KDM5A: variants seen among roughly 807,000 people sequenced by gnomAD.
The protein encoded by KDM5A is lysine demethylase 5A.
A neutral mutation model predicts 193.5 loss-of-function variants in KDM5A; 42 were observed. The ratio of observed to expected loss-of-function variants is 0.22; its 90% CI spans 0.17 to 0.28. KDM5A has a LOEUF of 0.28. Among genes scored for constraint, KDM5A ranks in the 10% least tolerant of loss-of-function variants. The pLI is 1.00. For synonymous variants in KDM5A, 796 were observed against 718.1 expected (o/e 1.11, Z -1.73); for missense variants, 1,692 against 2,055.1 (o/e 0.82, Z 3.42).
Position 389,284 on chromosome 12 carries a change from T to G in KDM5A, c.-193A>C. 1 of 715,288 alleles carries G rather than the reference T, an allele frequency of 1.4e-6. No homozygotes were observed. The highest frequency in any genetic ancestry group is 2.5e-6 in the Non-Finnish European group (1 of 397,590). The allele number at this position is 715,288 out of a possible 1,614,324, so 44.3% of individuals were successfully genotyped here. A position where few individuals can be genotyped will look rare whatever the true frequency, so the allele number is the denominator to read the frequency against. On this transcript the variant is annotated 5_prime_UTR_variant, in exon 1 of 28. Transcript: ENST00000399788. ...ATTGTTTCTTGCAAGGCTTTTCCAC[T>G]GAGGTTCAGGACTTTTCCGGAAGTT...
intron 10 of KDM5A, among the ~76,000 whole-genome samples, chr12:342,918 G>C (rs1944024756): frequency 6.6e-6 from 1 of 152,142 alleles, no homozygotes; most frequent in African/African-American, 2.4e-5. Context: ...CATTCACTGG[G>C]ACTGCTTGGA....
intron 1 of KDM5A, 135 bp downstream of exon 1, chr12:388,792 T>G (rs7488483): frequency 0.06 from 68,863 of 1,146,530 alleles, 8,035 homozygotes; most frequent in East Asian, 0.37. Flanking sequence ...GGCAAAAACA[T>G]CCAGAAACAG....
In KDM5A at chr12:352,144, G is replaced by A. The variant is rs2137451267; in HGVS notation, c.1149+61C>T. 5.1e-6 allele frequency: 5 copies of A among 974,880 alleles called. No individual in the cohort carries two copies. The Admixed American group carries it at 8.9e-5, about 17-fold the overall frequency. The allele number at this position is 974,880 out of a possible 1,614,324, so 60.4% of individuals were successfully genotyped here. On this transcript the variant is annotated intron_variant, in intron 9 of 27. Coordinates refer to ENST00000399788, the MANE Select transcript of KDM5A (RefSeq NM_001042603.3). ...AAAAAAAAAAAAGAGGAAACTGAAG[G>A]CTTTGTACTCAGGTAAATCTTTGTA...
intron 5 of KDM5A, among the ~76,000 whole-genome samples, 181 bp downstream of exon 5, chr12:362,782 G>T (rs1319112246): frequency 6.6e-6 from 1 of 152,158 alleles, no homozygotes; most frequent in Non-Finnish European, 1.5e-5. Flanking sequence ...CACAGTTCAT[G>T]CATTTAAAAC....
At position 362,978 on chromosome 12, in the gene KDM5A, T is replaced by C. The variant is rs1460694308; in HGVS notation, c.657A>G (p.Arg219=). ...TRMNILPKRT[R]RVKTQSESGD... ...ACATTGATACCTGAGTCTTCACACG[T>C]CTTGTTCTCTTCGGCAGAATGTTCA... The change falls in exon 5 of 28, where the codon AGA becomes AGG. Residue 219 remains arginine (R), a synonymous_variant. Transcript: ENST00000399788. The C allele has an allele frequency of 6.2e-7, 1 of 1,614,184 alleles. No homozygotes were observed. The highest frequency in any genetic ancestry group is 8.5e-7 in the Non-Finnish European group (1 of 1,180,020).
chr12:323,233 A>AAAAAAAAAAAAAAAAAAAAAAAAAAAC, intron 15 of KDM5A, 27 bp from the exon 16 acceptor site: 2 of 1,498,982 alleles, frequency 1.3e-6, no homozygotes, highest in Non-Finnish European at 1.8e-6. Context: ...AAAAAAAAAA[A>AAAAAAAAAAAAAAAAAAAAAAAAAAAC]AAAAAAGAAA....
rs1045332692 is a variant in KDM5A, at chr12:283,971, C to T, written c.*1485G>A. 2 of 233,368 alleles carry T rather than the reference C, an allele frequency of 8.6e-6. No individual in the cohort carries two copies. Among genetic ancestry groups the T allele is most frequent in the East Asian group, 6.0e-5 (1 of 16,574 alleles). The allele number at this position is 233,368 out of a possible 1,614,324, so 14.5% of individuals were successfully genotyped here. ...CACACAAAAGAAAAAAGAGCCAGCA[C>T]AGACTAGAGTGAGACCAAGTTTCCC... On this transcript the variant is annotated 3_prime_UTR_variant, in exon 28 of 28. Coordinates refer to ENST00000399788, the MANE Select transcript of KDM5A (RefSeq NM_001042603.3).
Position 310,793 on chromosome 12 carries a change from T to C in KDM5A, c.3216+92A>G. 3 of 1,339,254 alleles carry C rather than the reference T, an allele frequency of 2.2e-6. No homozygotes were observed. The South Asian group carries it at 3.5e-5, about 16-fold the overall frequency. The allele number at this position is 1,339,254 out of a possible 1,614,324, so 83.0% of individuals were successfully genotyped here. On this transcript the variant is annotated intron_variant, in intron 21 of 27. Coordinates refer to ENST00000399788, the MANE Select transcript of KDM5A (RefSeq NM_001042603.3). ...TATTACCTAGTAAGAATCACTTGTA[T>C]AATGGTAATCAGATAAACTGAAAAT...
chr12:359,238 C>T (rs1565545680), intron 5 of KDM5A, among the ~76,000 whole-genome samples: 1 of 152,096 alleles, frequency 6.6e-6, no homozygotes. Context: ...TATTTTCTAG[C>T]CCTGACCATT....
At position 292,875 on chromosome 12, in the gene KDM5A, T is replaced by G. The variant is rs774415446; in HGVS notation, c.4750A>C (p.Arg1584=). Residue 1584 remains arginine, a synonymous_variant, in exon 27 of 28, where the codon AGA becomes CGA. Transcript: ENST00000399788. ...GGGATGTCCAGCACCTTTTTCTCTCTTTTCTTTTCAGTGCTCTCTTTCACA... is the reference window on the plus strand; with the variant it reads ...GGGATGTCCAGCACCTTTTTCTCTCGTTTCTTTTCAGTGCTCTCTTTCACA... ...ELVKESTEKK[R]EKKVLDIPSK... is the part of the protein sequence containing the mutation. The G allele has an allele frequency of 1.2e-6, 2 of 1,614,100 alleles. No homozygotes were observed. The highest frequency in any genetic ancestry group is 2.7e-5 in the African/African-American group (2 of 74,946).
intron 3 of KDM5A, among the ~76,000 whole-genome samples, chr12:376,218 T>C (rs1591939975): frequency 6.6e-6 from 1 of 152,196 alleles, no homozygotes; most frequent in Admixed American, 6.5e-5. Context: ...TGAGCTGCGG[T>C]GGGCTCCACC....
At chr12:294,442 A>AT (rs1343070754) in intron 26 of KDM5A, among the ~76,000 whole-genome samples, 3 of 152,376 alleles carry the variant, frequency 2.0e-5, no homozygotes, top group Middle Eastern at 3.4e-3. Flanking sequence ...ACACTGGATT[A>AT]TAAGTGCCTT....
intron 3 of KDM5A, among the ~76,000 whole-genome samples, chr12:375,488 C>G (rs1446292506): frequency 6.6e-6 from 1 of 152,160 alleles, no homozygotes; most frequent in Non-Finnish European, 1.5e-5. Context: ...AATCTTTTTA[C>G]AAGGTTTTTA....
rs1425800932 is a variant in KDM5A, at chr12:295,770, G to T, written c.4258C>A (p.Pro1420Thr). The change falls in exon 26 of 28, where the codon CCT becomes ACT. Residue 1420 changes from proline (P) to threonine (T), a missense_variant. By Grantham distance (38) the Pro-to-Thr change is conservative. Coordinates refer to ENST00000399788, the MANE Select transcript of KDM5A (RefSeq NM_001042603.3). The part of the protein sequence containing the change: ...SQGSSTPRKQ[P>T]RKSPLVPRSL... ...CGGGGCACCAAAGGGCTCTTCCGAG[G>T]TTGTTTCCTTGGGGTGCTAGAACCT... 1.4e-5 allele frequency: 23 copies of T among 1,613,932 alleles called. No individual in the cohort carries two copies. Among genetic ancestry groups the T allele is most frequent in the Non-Finnish European group, 1.9e-5 (22 of 1,179,992 alleles).
chr12:295,275 GGAAAGGAAAGAAGAAAAAAGAAAAA>G (rs1479454735), intron 26 of KDM5A, among the ~76,000 whole-genome samples: 1 of 141,198 alleles, frequency 7.1e-6, no homozygotes, highest in East Asian at 2.0e-4. Flanking sequence ...GAAGGAAAAA[GGAAAGGAAAGAAGAAAAAAGAAAAA>G]GAAAGGAAAG....
At chr12:333,418 CAAAAAAA>C in intron 12 of KDM5A, 62 bp downstream of exon 12, 1 of 1,511,746 alleles carries the variant, frequency 6.6e-7, no homozygotes, top group Non-Finnish European at 9.1e-7. Flanking sequence ...GACCCTGTTT[CAAAAAAA>C]AAGAAAAAAG....
intron 10 of KDM5A, among the ~76,000 whole-genome samples, chr12:349,699 CTTT>C (rs11452614): frequency 4.1e-5 from 6 of 147,226 alleles, no homozygotes; most frequent in African/African-American, 1.2e-4. Flanking sequence ...ATTAAATTAG[CTTT>C]TTTTTTTTTC....
At position 362,940 on chromosome 12, in the gene KDM5A, A is replaced by T. The variant is rs191927481; in HGVS notation, c.672+23T>A. ...AGACTACATCTTTATTTAAAAATTT[A>T]AAAAAGCCCAAGACATTGATACCTG... On this transcript the variant is annotated intron_variant, in intron 5 of 27. Transcript: ENST00000399788. The T allele has an allele frequency of 1.4e-4, 230 of 1,612,224 alleles. 1 individual carries two copies. In the African/African-American group the frequency reaches 2.1e-3, roughly 15 times the overall value.
At chr12:366,184 A>C (rs1324063876) in intron 3 of KDM5A, 80 bp from the exon 4 acceptor site, 3 of 1,265,152 alleles carry the variant, frequency 2.4e-6, no homozygotes, top group Non-Finnish European at 3.4e-6. Context: ...TACTAAATAG[A>C]AAAATTATTC....
Sources: allele counts gnomAD v4.1 joint callset (sites outside exome capture counted in the v4.1 genomes callset), GRCh38; gene constraint gnomAD v4.1.1; transcripts MANE v1.5; gene names NCBI Gene and HGNC (gene_info 2026-07-23, HGNC 2026-07-21).